CTNND1: variants seen among roughly 807,000 people sequenced by gnomAD.
CTNND1 encodes catenin delta 1, also known as catenin delta-1.
A neutral mutation model predicts 112.1 loss-of-function variants in CTNND1; 16 were observed. That is an observed-to-expected ratio of 0.14 (90% CI 0.10 to 0.22). The LOEUF (loss-of-function observed/expected upper bound fraction) is 0.22, where lower values mean the gene tolerates loss of function less well. Ranked by LOEUF, CTNND1 falls within the 10% of genes least tolerant of loss-of-function variation. The pLI is 1.00. For synonymous variants in CTNND1, 420 were observed against 446.5 expected, an observed-to-expected ratio of 0.94 and a Z score of 0.75; for missense variants, 1,008 against 1,257.0, an observed-to-expected ratio of 0.80 and a Z score of 3.00.
At position 57,811,391 on chromosome 11, in the gene CTNND1, G is replaced by T; in HGVS notation, c.2551-8G>T. On this transcript the variant is annotated splice_polypyrimidine_tract_variant and splice_region_variant and intron_variant, in intron 16 of 20. Transcript: ENST00000399050. ...CTGTCACATTGTCGCATTTGTGTTT[G>T]CCTCTAGGTGAATCTAAACAATGCT... is the stretch of plus-strand genomic sequence containing the variant. 1 of 1,607,154 alleles carries T rather than the reference G, an allele frequency of 6.2e-7. No homozygotes were observed. Among genetic ancestry groups the T allele is most frequent in the South Asian group, 1.1e-5 (1 of 90,692 alleles).
chr11:57,815,360 T>A (rs949236901), intron 18 of CTNND1, 34 bp from the exon 19 acceptor site: 4 of 1,315,866 alleles, frequency 3.0e-6, no homozygotes, highest in Non-Finnish European at 4.2e-6. Context: ...GAGGGGAATG[T>A]CATATTTCTG....
intron 20 of CTNND1, 100 bp from the exon 21 acceptor site, chr11:57,816,197 T>C: frequency 1.4e-6 from 2 of 1,427,512 alleles, no homozygotes; most frequent in Non-Finnish European, 2.0e-6. Context: ...TTCTCCGTTA[T>C]GTGCTGCTTT....
At chr11:57,797,595 C>T (rs1337707657) in intron 6 of CTNND1, among the ~76,000 whole-genome samples, 1 of 145,190 alleles carries the variant, frequency 6.9e-6, no homozygotes, top group Non-Finnish European at 1.5e-5. Flanking sequence ...GTAATCCCAG[C>T]GCTTTTGGAG....
At chr11:57,810,027 T>C in intron 15 of CTNND1, 82 bp from the exon 16 acceptor site, 2 of 1,013,544 alleles carry the variant, frequency 2.0e-6, no homozygotes, top group Non-Finnish European at 2.8e-6. Flanking sequence ...ATTTATATTC[T>C]TATGTTATTA....
At position 57,818,058 on chromosome 11, in the gene CTNND1, C is replaced by G. The variant is rs2064068594; in HGVS notation, c.*1750C>G. The stretch of plus-strand genomic sequence containing the variant: ...TTTTCCCCCTTCCCATTTCTTCCCA[C>G]TTTCATCTACCTTTTCTGGCAAAAA... On this transcript the variant is annotated 3_prime_UTR_variant, in exon 21 of 21. Transcript: ENST00000399050. The G allele has an allele frequency of 6.6e-6, 1 of 152,526 alleles. No homozygotes were observed. Among genetic ancestry groups the G allele is most frequent in the Non-Finnish European group, 1.5e-5 (1 of 68,032 alleles). The allele number at this position is 152,526 out of a possible 1,614,324, so 9.4% of individuals were successfully genotyped here. A position where few individuals can be genotyped will look rare whatever the true frequency, so the allele number is the denominator to read the frequency against.
intron 19 of CTNND1, 103 bp from the exon 20 acceptor site, chr11:57,815,812 T>G: frequency 1.0e-6 from 1 of 964,254 alleles, no homozygotes; most frequent in East Asian, 2.6e-5. Context: ...CTATTATATC[T>G]TGTTTTGTTT....
In CTNND1 at chr11:57,816,542, ACC is replaced by A; in HGVS notation, c.*235_*236del. On this transcript the variant is annotated 3_prime_UTR_variant, in exon 21 of 21. Coordinates refer to ENST00000399050, the MANE Select transcript of CTNND1 (RefSeq NM_001085458.2). The stretch of plus-strand genomic sequence containing the variant: ...ATTCCCTCCATTTTTCTCCCAAGAA[ACC>A]TGACTCAATTATTTGCATATTTTGA... The A allele has an allele frequency of 1.8e-6, 1 of 570,792 alleles. No homozygotes were observed. The highest frequency in any genetic ancestry group is 3.1e-6 in the Non-Finnish European group (1 of 321,588). The allele number at this position is 570,792 out of a possible 1,614,324, so 35.4% of individuals were successfully genotyped here.
intron 1 of CTNND1, among the ~76,000 whole-genome samples, chr11:57,776,249 G>T (rs1208310327): frequency 6.6e-6 from 1 of 152,148 alleles, no homozygotes; most frequent in East Asian, 1.9e-4. Flanking sequence ...GGGAGGGAGC[G>T]AGGGAGGGTG....
At chr11:57,805,189 G>C (rs932052134) in intron 9 of CTNND1, among the ~76,000 whole-genome samples, 1 of 152,198 alleles carries the variant, frequency 6.6e-6, no homozygotes, top group Non-Finnish European at 1.5e-5. Flanking sequence ...GTGAGCCACT[G>C]TGCCCAGCCA....
At chr11:57,790,674 C>T (rs375433829) in intron 2 of CTNND1, among the ~76,000 whole-genome samples, 29 of 150,598 alleles carry the variant, frequency 1.9e-4, no homozygotes, top group East Asian at 1.2e-3. Flanking sequence ...TCTCCTGTCT[C>T]AGCCTCCCGA....
intron 18 of CTNND1, among the ~76,000 whole-genome samples, chr11:57,814,754 C>T (rs1375073872): frequency 6.6e-6 from 1 of 152,134 alleles, no homozygotes; most frequent in Non-Finnish European, 1.5e-5. Context: ...TGTAATACCT[C>T]TTACTGGTAT....
intron 17 of CTNND1, among the ~76,000 whole-genome samples, chr11:57,812,802 A>T (rs1013878869): frequency 6.6e-6 from 1 of 152,180 alleles, no homozygotes; most frequent in African/African-American, 2.4e-5. Context: ...GCGCTCAGCC[A>T]CACTAGCCAC....
At chr11:57,766,177 A>G (rs1951028224) in intron 1 of CTNND1, among the ~76,000 whole-genome samples, 1 of 152,194 alleles carries the variant, frequency 6.6e-6, no homozygotes, top group Non-Finnish European at 1.5e-5. Context: ...TCAACACTGA[A>G]AACCTTAAAT....
At position 57,815,445 on chromosome 11, in the gene CTNND1, A is replaced by G; in HGVS notation, c.2753A>G (p.Asp918Gly). The G allele has an allele frequency of 6.2e-7, 1 of 1,612,746 alleles. No homozygotes were observed. Among genetic ancestry groups the G allele is most frequent in the Non-Finnish European group, 8.5e-7 (1 of 1,179,350 alleles). ...AGAGGAGACCACAATAGAACACTGG[A>G]TCGATCGGGGGATCTAGGCGACATG... ...NERGDHNRTLDRSGDLGDMEP... is the reference protein window; with the variant it reads ...NERGDHNRTLGRSGDLGDMEP... The change falls in exon 19 of 21, where the codon GAT (aspartate) becomes GGT (glycine). Residue 918 changes from aspartate to glycine, a missense_variant. Physicochemically the swap from Asp to Gly is moderately conservative, Grantham distance 94. Coordinates refer to ENST00000399050, the MANE Select transcript of CTNND1 (RefSeq NM_001085458.2).
In CTNND1 at chr11:57,761,991, G is replaced by A. The variant is rs1040083601; in HGVS notation, c.-342G>A. On this transcript the variant is annotated 5_prime_UTR_variant, in exon 1 of 21. Coordinates refer to ENST00000399050, the MANE Select transcript of CTNND1 (RefSeq NM_001085458.2). ...CTGGATTTGTCTTTCTCAGCACCTT[G>A]GCGAAGCCTTGGGTTTCTTTCTTAA... 1 of 985,292 alleles carries A rather than the reference G, an allele frequency of 1.0e-6. No homozygotes were observed. The highest frequency in any genetic ancestry group is 1.7e-5 in the African/African-American group (1 of 57,228). 61.0% of individuals were successfully genotyped at this position (985,292 alleles called of 1,614,324 possible). A position where few individuals can be genotyped will look rare whatever the true frequency, so the allele number is the denominator to read the frequency against.
At chr11:57,803,542 A>G in intron 7 of CTNND1, 79 bp from the exon 8 acceptor site, 1 of 1,131,928 alleles carries the variant, frequency 8.8e-7, no homozygotes, top group South Asian at 1.7e-5. Flanking sequence ...AAGTGATACG[A>G]TAGGGGGATT....
intron 10 of CTNND1, 141 bp downstream of exon 10, chr11:57,806,176 G>A: frequency 8.4e-7 from 1 of 1,184,230 alleles, no homozygotes; most frequent in Non-Finnish European, 1.2e-6. Context: ...TGCTTTCCCT[G>A]TGTTGTGTGC....
In CTNND1 at chr11:57,794,028, G is replaced by A. The variant is rs371264068; in HGVS notation, c.214G>A (p.Asp72Asn). 1.4e-5 allele frequency: 22 copies of A among 1,613,860 alleles called. No individual in the cohort carries two copies. Among genetic ancestry groups the A allele is most frequent in the Non-Finnish European group, 1.6e-5 (19 of 1,179,898 alleles). ...RRHQNGRFVG[D>N]ADLERQKFSD... ...GTTTCAGAACGGCCGGTTTGTGGGCGATGCTGACCTTGAAAGACAGAAATT... is the reference window on the plus strand; with the variant it reads ...GTTTCAGAACGGCCGGTTTGTGGGCAATGCTGACCTTGAAAGACAGAAATT... Residue 72 changes from aspartate to asparagine, a missense_variant, in exon 4 of 21, where the codon GAT becomes AAT. Coordinates refer to ENST00000399050, the MANE Select transcript of CTNND1 (RefSeq NM_001085458.2).
At chr11:57,776,812 G>A (rs919695094) in intron 1 of CTNND1, among the ~76,000 whole-genome samples, 7 of 152,154 alleles carry the variant, frequency 4.6e-5, no homozygotes, top group Non-Finnish European at 8.8e-5. Flanking sequence ...TCAATTTGAT[G>A]CAGAGAACTT....
Sources: gnomAD v4.1 joint callset for allele counts (sites outside exome capture counted in the v4.1 genomes callset) on GRCh38, gnomAD v4.1.1 for gene constraint, MANE v1.5 for transcripts, NCBI Gene and HGNC (gene_info 2026-07-23, HGNC 2026-07-21) for gene names.